The following STAU2 variants were observed in gnomAD, a reference collection of about 807,000 sequenced individuals.
The protein encoded by STAU2 is staufen double-stranded RNA binding protein 2.
Under a neutral mutation model 65.9 loss-of-function variants are expected in STAU2, and 20 were observed. That is an observed-to-expected ratio of 0.30 (90% CI 0.21 to 0.44). STAU2 has a LOEUF of 0.44. STAU2 is among the 20% of genes least tolerant of loss of function. The pLI, the probability that STAU2 is intolerant of heterozygous loss-of-function variation, is 1.00. For missense variants in STAU2, 558 were observed against 683.9 expected, an observed-to-expected ratio of 0.82 and a Z score of 2.05; for synonymous variants, 232 against 233.9, an observed-to-expected ratio of 0.99 and a Z score of 0.07.
At chr8:73,654,664 A>AAAAAAAAAAAAAAAAAC (rs1554556802) in intron 6 of STAU2, among the ~76,000 whole-genome samples, 8 of 122,972 alleles carry the variant, frequency 6.5e-5, no homozygotes, top group Admixed American at 1.8e-4. Flanking sequence ...AAAAAAAAGA[A>AAAAAAAAAAAAAAAAAC]CTCTTTTAAT....
chr8:73,510,660 T>A (rs930647429), intron 13 of STAU2, among the ~76,000 whole-genome samples: 3 of 152,058 alleles, frequency 2.0e-5, no homozygotes, highest in Admixed American at 2.0e-4. Context: ...AGCAAACACA[T>A]CCTTCTTCAC....
intron 3 of STAU2, among the ~76,000 whole-genome samples, chr8:73,729,914 C>A (rs1805925491): frequency 6.6e-6 from 1 of 152,218 alleles, no homozygotes; most frequent in South Asian, 2.1e-4. Flanking sequence ...TTATACCTAT[C>A]TGTGTTTTTT....
At chr8:73,746,075 G>A (rs1807250998) in intron 1 of STAU2, among the ~76,000 whole-genome samples, 1 of 151,934 alleles carries the variant, frequency 6.6e-6, no homozygotes, top group Non-Finnish European at 1.5e-5. Context: ...ACCCCTTTAA[G>A]CCGAGCCATC....
chr8:73,432,862 A>G (rs2128883868), intron 13 of STAU2, among the ~76,000 whole-genome samples: 1 of 152,336 alleles, frequency 6.6e-6, no homozygotes, highest in African/African-American at 2.4e-5. Context: ...TAAAAAAAAT[A>G]GAGGAGTAGG....
intron 6 of STAU2, among the ~76,000 whole-genome samples, chr8:73,641,540 T>C (rs1814969617): frequency 6.6e-6 from 1 of 152,226 alleles, no homozygotes; most frequent in Non-Finnish European, 1.5e-5. Flanking sequence ...CAGCATTTCC[T>C]AAAGTTTGCC....
chr8:73,504,946 TA>T (rs1369205539), intron 13 of STAU2, among the ~76,000 whole-genome samples: 1 of 152,138 alleles, frequency 6.6e-6, no homozygotes, highest in Non-Finnish European at 1.5e-5. Flanking sequence ...GGTTTCCAGT[TA>T]TTTTCTATCC....
intron 13 of STAU2, among the ~76,000 whole-genome samples, chr8:73,430,527 C>T (rs185366875): frequency 2.6e-5 from 4 of 152,318 alleles, no homozygotes; most frequent in African/African-American, 9.6e-5. Context: ...GTTTGCTTCT[C>T]TTTCTACAGG....
chr8:73,544,113 A>G (rs1328115653), intron 13 of STAU2, among the ~76,000 whole-genome samples: 1 of 152,174 alleles, frequency 6.6e-6, no homozygotes, highest in African/African-American at 2.4e-5. Context: ...TTACTTTTCA[A>G]CATATGTAAA....
At chr8:73,708,845 C>A (rs568023483) in intron 4 of STAU2, among the ~76,000 whole-genome samples, 187 bp downstream of exon 4, 1 of 152,234 alleles carries the variant, frequency 6.6e-6, no homozygotes, top group South Asian at 2.1e-4. Context: ...TCTAAAAGAG[C>A]TTTGTAAACC....
intron 13 of STAU2, among the ~76,000 whole-genome samples, chr8:73,478,034 G>GTA (rs145818623): frequency 0.14 from 20,450 of 142,350 alleles, 1,868 homozygotes; most frequent in East Asian, 0.5. Context: ...ATATATATAT[G>GTA]TATATATATA....
intron 3 of STAU2, among the ~76,000 whole-genome samples, chr8:73,735,066 T>C (rs554046190): frequency 1.3e-5 from 2 of 152,270 alleles, no homozygotes; most frequent in African/African-American, 4.8e-5. Flanking sequence ...CCCAAGTAGC[T>C]GAGACTACAG....
At chr8:73,467,472 C>T (rs1488994337) in intron 13 of STAU2, among the ~76,000 whole-genome samples, 1 of 152,136 alleles carries the variant, frequency 6.6e-6, no homozygotes, top group African/African-American at 2.4e-5. Flanking sequence ...GAGGAGCTTG[C>T]AGTGAGCCGA....
At chr8:73,636,013 A>G (rs1170886892) in intron 6 of STAU2, among the ~76,000 whole-genome samples, 1 of 151,126 alleles carries the variant, frequency 6.6e-6, no homozygotes, top group Admixed American at 6.6e-5. Context: ...CTGCCACCCA[A>G]TGCAGAAAAG....
intron 4 of STAU2, among the ~76,000 whole-genome samples, chr8:73,703,206 C>T (rs745518447): frequency 4.6e-5 from 7 of 152,106 alleles, no homozygotes; most frequent in East Asian, 1.9e-4. Context: ...AATGGTTTAG[C>T]GCCATCCCTT....
intron 9 of STAU2, among the ~76,000 whole-genome samples, chr8:73,606,257 T>C (rs1364130410): frequency 6.6e-6 from 1 of 151,544 alleles, no homozygotes; most frequent in Non-Finnish European, 1.5e-5. Flanking sequence ...ACATAATAAA[T>C]CTTCAAAATT....
intron 3 of STAU2, among the ~76,000 whole-genome samples, chr8:73,724,531 G>A (rs925358106): frequency 5.3e-5 from 8 of 151,808 alleles, no homozygotes; most frequent in African/African-American, 1.9e-4. Flanking sequence ...AAATTATAAT[G>A]AGATATTTAA....
chr8:73,442,891 G>A (rs571570721), intron 13 of STAU2, among the ~76,000 whole-genome samples: 9 of 152,258 alleles, frequency 5.9e-5, no homozygotes, highest in Non-Finnish European at 1.2e-4. Context: ...TTCTTCTTTT[G>A]CTTTCTCAAG....
intron 13 of STAU2, chr8:73,550,553 T>G (rs902139371): frequency 1.0e-6 from 1 of 983,066 alleles, no homozygotes. Context: ...TTAATTTCTT[T>G]TCATCACAAT....
At chr8:73,466,854 G>A (rs113088916) in intron 13 of STAU2, among the ~76,000 whole-genome samples, 2,309 of 152,242 alleles carry the variant, frequency 0.015, 24 homozygotes, top group African/African-American at 0.02. Flanking sequence ...ATACACAGAC[G>A]GTTGTGGCAC....
Sources: allele counts gnomAD v4.1 joint callset (sites outside exome capture counted in the v4.1 genomes callset), GRCh38; gene constraint gnomAD v4.1.1; transcripts MANE v1.5; gene names NCBI Gene and HGNC (gene_info 2026-07-23, HGNC 2026-07-21).